MGAT4C: variants seen among roughly 807,000 people sequenced by gnomAD.
MGAT4C encodes the protein MGAT4 family member C, also known as alpha-1,3-mannosyl-glycoprotein 4-beta-N-acetylglucosaminyltransferase C.
Under a neutral mutation model 40.1 loss-of-function variants are expected in MGAT4C, and 19 were observed. That is an observed-to-expected ratio of 0.47 (90% CI 0.33 to 0.70). The LOEUF (loss-of-function observed/expected upper bound fraction) is 0.70. Among genes scored for constraint, MGAT4C ranks in the 30% least tolerant of loss-of-function variants. MGAT4C has a pLI of 0.02. For synonymous variants in MGAT4C, 181 were observed against 187.1 expected, an observed-to-expected ratio of 0.97 and a Z score of 0.27; for missense variants, 491 against 563.2, an observed-to-expected ratio of 0.87 and a Z score of 1.30.
chr12:86,010,261 A>T (rs1031853915), intron 2 of MGAT4C, among the ~76,000 whole-genome samples: 1 of 152,324 alleles, frequency 6.6e-6, no homozygotes, highest in South Asian at 2.1e-4. Flanking sequence ...GGACTAATGA[A>T]ATAAAGATGA....
At position 86,774,301 on chromosome 12, in the gene MGAT4C, T is replaced by TTC. The variant is rs759337667; in HGVS notation, c.-261-47062_-261-47061dup. Among the ~76,000 whole-genome samples the TTC allele has an allele frequency of 1.9e-3, 50 of 26,432 alleles. 4 individuals are homozygous for TTC. Among genetic ancestry groups the TTC allele is most frequent in the South Asian group, 4.0e-3 (2 of 494 alleles). The allele number at this position is 26,432 out of a possible 152,430, so 17.3% of individuals were successfully genotyped here. A position where few individuals can be genotyped will look rare whatever the true frequency, so the allele number is the denominator to read the frequency against. On this transcript the variant is annotated intron_variant, in intron 1 of 7. Coordinates refer to the MGAT4C transcript ENST00000548651. ...GCTTGCTCTTTCTTTCTTTCTTTCT[T>TTC]TCTTTCTTTCTTTCTTTCTTTCTTT...
chr12:86,580,491 G>T (rs764341996), intron 2 of MGAT4C, among the ~76,000 whole-genome samples: 33 of 151,490 alleles, frequency 2.2e-4, no homozygotes, highest in Admixed American at 3.3e-4. Flanking sequence ...ATGAAAAAAT[G>T]CCTGAAATCC....
At chr12:86,348,062 T>C (rs1385558184) in intron 3 of MGAT4C, among the ~76,000 whole-genome samples, 3 of 152,204 alleles carry the variant, frequency 2.0e-5, no homozygotes, top group African/African-American at 4.8e-5. Context: ...GTGTAAATTA[T>C]ACTTCTTCAA....
At chr12:86,184,359 A>G (rs1340700324) in intron 1 of MGAT4C, among the ~76,000 whole-genome samples, 27 of 151,606 alleles carry the variant, frequency 1.8e-4, no homozygotes, top group Admixed American at 1.8e-3. Context: ...CTGGGTGACT[A>G]AGTGAGACTC....
chr12:86,210,575 CA>C (rs1439140578), intron 1 of MGAT4C, among the ~76,000 whole-genome samples: 1 of 152,160 alleles, frequency 6.6e-6, no homozygotes, highest in Non-Finnish European at 1.5e-5. Context: ...AATTAGAAAT[CA>C]GTAAAGTTAT....
chr12:86,814,786 T>A (rs1406515382), intron 1 of MGAT4C, among the ~76,000 whole-genome samples: 1 of 151,950 alleles, frequency 6.6e-6, no homozygotes, highest in African/African-American at 2.4e-5. Flanking sequence ...CCTTACCTTT[T>A]CCACCATTTG....
chr12:86,456,189 C>G (rs541703284), intron 2 of MGAT4C, among the ~76,000 whole-genome samples: 30 of 152,062 alleles, frequency 2.0e-4, no homozygotes, highest in Non-Finnish European at 3.8e-4. Flanking sequence ...ATTAACCAAG[C>G]TGCCAGAATG....
At chr12:86,679,540 C>T (rs945529257) in intron 2 of MGAT4C, among the ~76,000 whole-genome samples, 1 of 151,818 alleles carries the variant, frequency 6.6e-6, no homozygotes, top group Admixed American at 6.6e-5. Flanking sequence ...AATGTGCACC[C>T]CAAAATTTAT....
chr12:86,693,960 C>T (rs1243413167), intron 2 of MGAT4C, among the ~76,000 whole-genome samples: 2 of 152,122 alleles, frequency 1.3e-5, no homozygotes, highest in African/African-American at 2.4e-5. Flanking sequence ...CATTACCCGT[C>T]AGCTTCTTTT....
chr12:86,399,285 A>AT (rs1261148910), intron 3 of MGAT4C, among the ~76,000 whole-genome samples: 15 of 145,330 alleles, frequency 1.0e-4, no homozygotes, highest in East Asian at 2.1e-4. Flanking sequence ...CCAATTACAT[A>AT]TTTCTTTTCT....
intron 1 of MGAT4C, among the ~76,000 whole-genome samples, chr12:86,728,896 C>T (rs969884391): frequency 5.3e-5 from 8 of 152,024 alleles, no homozygotes; most frequent in Non-Finnish European, 1.2e-4. Flanking sequence ...AGATGCCTTT[C>T]GATATCAATT....
At chr12:86,700,162 C>T (rs61426211) in intron 2 of MGAT4C, among the ~76,000 whole-genome samples, 11,616 of 41,476 alleles carry the variant, frequency 0.28, 569 homozygotes, top group Admixed American at 0.39. Context: ...GACAGACAGA[C>T]AGACAGACAG....
rs536465962 is a variant in MGAT4C, at chr12:86,522,393, T to C, written c.-228-87128A>G. Reference sequence around the variant, plus strand: ...TTTGTCTTTAGTTCTGTTTATGTAATGAATCACATTTATTGATTTGCATAT... The same window carrying C: ...TTTGTCTTTAGTTCTGTTTATGTAACGAATCACATTTATTGATTTGCATAT... On this transcript the variant is annotated intron_variant, in intron 2 of 7. Coordinates refer to the MGAT4C transcript ENST00000548651. Among the ~76,000 whole-genome samples, 26 of 152,314 alleles carry C rather than the reference T, an allele frequency of 1.7e-4. 1 individual carries two copies. The South Asian group carries it at 4.8e-3, about 28-fold the overall frequency.
At chr12:86,384,307 T>C (rs1042469805) in intron 3 of MGAT4C, among the ~76,000 whole-genome samples, 1 of 152,222 alleles carries the variant, frequency 6.6e-6, no homozygotes, top group African/African-American at 2.4e-5. Flanking sequence ...TATTTCTACC[T>C]AAGATGAGAC....
intron 2 of MGAT4C, among the ~76,000 whole-genome samples, chr12:86,533,176 A>G (rs1365548525): frequency 6.6e-6 from 1 of 152,058 alleles, no homozygotes; most frequent in Non-Finnish European, 1.5e-5. Context: ...AGTAGAATAA[A>G]TGTTTAACTG....
intron 1 of MGAT4C, among the ~76,000 whole-genome samples, chr12:86,743,271 A>G (rs1181826420): frequency 6.6e-6 from 1 of 151,566 alleles, no homozygotes; most frequent in Non-Finnish European, 1.5e-5. Flanking sequence ...CATACTGTGT[A>G]ACTTTAAAAC....
chr12:86,138,607 A>G (rs1405366548), intron 1 of MGAT4C, among the ~76,000 whole-genome samples: 1 of 137,732 alleles, frequency 7.3e-6, no homozygotes, highest in Non-Finnish European at 1.5e-5. Flanking sequence ...ATATATTTCC[A>G]TAGATATATC....
At chr12:86,394,563 A>T (rs1003732130) in intron 3 of MGAT4C, among the ~76,000 whole-genome samples, 1 of 143,668 alleles carries the variant, frequency 7.0e-6, no homozygotes, top group Non-Finnish European at 1.5e-5. Flanking sequence ...TTATATATTT[A>T]TATATATTTA....
chr12:86,737,772 C>T (rs577232535), intron 1 of MGAT4C, among the ~76,000 whole-genome samples: 1 of 151,154 alleles, frequency 6.6e-6, no homozygotes, highest in African/African-American at 2.4e-5. Context: ...AAAAAACAGA[C>T]TTCCTTTAGT....
Sources: gnomAD v4.1 joint callset for allele counts (sites outside exome capture counted in the v4.1 genomes callset) on GRCh38, gnomAD v4.1.1 for gene constraint, MANE v1.5 for transcripts, NCBI Gene and HGNC (gene_info 2026-07-23, HGNC 2026-07-21) for gene names.